The following BDKRB2 variants were observed in gnomAD, a reference collection of about 807,000 sequenced individuals.
The protein encoded by BDKRB2 is bradykinin receptor B2.
BDKRB2 carries 6 observed loss-of-function variants against 4.0 expected under a neutral mutation model. The ratio of observed to expected loss-of-function variants is 1.49; its 90% CI spans 0.81 to 2.93. The LOEUF (loss-of-function observed/expected upper bound fraction) is 2.93. Among genes scored for constraint, BDKRB2 ranks in the 30% most tolerant of loss-of-function variants. The pLI, the probability that BDKRB2 is intolerant of heterozygous loss-of-function variation, is 0.00. For synonymous variants in BDKRB2, 225 were observed against 215.3 expected (o/e 1.05, Z -0.40); for missense variants, 478 against 520.1 (o/e 0.92, Z 0.79).
intron 1 of BDKRB2, among the ~76,000 whole-genome samples, chr14:96,229,948 GA>G (rs918817094): frequency 1.3e-5 from 2 of 151,810 alleles, no homozygotes; most frequent in African/African-American, 2.4e-5. Flanking sequence ...CTAACACGGT[GA>G]AACCCTGTCT....
At chr14:96,235,519 G>A (rs1003304039) in intron 1 of BDKRB2, among the ~76,000 whole-genome samples, 4 of 152,144 alleles carry the variant, frequency 2.6e-5, no homozygotes, top group African/African-American at 7.2e-5. Flanking sequence ...TGTGCTGCTC[G>A]TTGCATCCTT....
chr14:96,213,790 G>A (rs754811502), intron 1 of BDKRB2, among the ~76,000 whole-genome samples: 4 of 151,992 alleles, frequency 2.6e-5, no homozygotes, highest in African/African-American at 4.8e-5. Flanking sequence ...TATCCCCCCC[G>A]ACAAACCTGC....
Position 96,241,770 on chromosome 14 carries a change from C to A in BDKRB2, c.*266C>A, listed in dbSNP as rs144560680. On this transcript the variant is annotated 3_prime_UTR_variant, in exon 3 of 3. Transcript: ENST00000554311. ...TTATTTGCTGCCACACCTGAGCCAG[C>A]CTGCTCCTTCCCAGGAGTGGAGGAG... 18 of 354,976 alleles carry A rather than the reference C, an allele frequency of 5.1e-5. No individual in the cohort carries two copies. The highest frequency in any genetic ancestry group is 3.6e-4 in the East Asian group (7 of 19,658). 22.0% of individuals were successfully genotyped at this position (354,976 alleles called of 1,614,324 possible). A position where few individuals can be genotyped will look rare whatever the true frequency, so the allele number is the denominator to read the frequency against.
chr14:96,219,890 G>T (rs1431845250), intron 1 of BDKRB2, among the ~76,000 whole-genome samples: 1 of 151,952 alleles, frequency 6.6e-6, no homozygotes, highest in Non-Finnish European at 1.5e-5. Context: ...GTTGGAAGGA[G>T]TTGGAAGAGC....
At position 96,223,007 on chromosome 14, in the gene BDKRB2, G is replaced by A. The variant is rs1301397401; in HGVS notation, c.-39-14062G>A. 2.0e-5 allele frequency: 13 copies of A among 657,390 alleles called. No individual in the cohort carries two copies. In the African/African-American group the frequency reaches 2.0e-4, roughly 10 times the overall value. The allele number at this position is 657,390 out of a possible 1,614,324, so 40.7% of individuals were successfully genotyped here. A position where few individuals can be genotyped will look rare whatever the true frequency, so the allele number is the denominator to read the frequency against. ...AATTCTGTAGAACAAACAACTGGAA[G>A]TTGGAAGAAAAGACAGTAAGAAATA... On this transcript the variant is annotated intron_variant, in intron 1 of 2. Transcript: ENST00000554311.
intron 2 of BDKRB2, chr14:96,239,021 C>T (rs1254600727): frequency 1.0e-6 from 1 of 985,392 alleles, no homozygotes; most frequent in East Asian, 1.1e-4. Flanking sequence ...CCAGCTGCTC[C>T]TAGAAGCAAA....
chr14:96,205,627 G>A (rs914972043), intron 1 of BDKRB2, among the ~76,000 whole-genome samples: 2 of 152,174 alleles, frequency 1.3e-5, no homozygotes, highest in African/African-American at 4.8e-5. Context: ...GGGGTTCCAA[G>A]CACCGGCTTT....
chr14:96,235,913 G>C (rs986194873), intron 1 of BDKRB2, among the ~76,000 whole-genome samples: 2 of 152,196 alleles, frequency 1.3e-5, no homozygotes, highest in African/African-American at 4.8e-5. Flanking sequence ...GTCCTGGAGA[G>C]AGTGTGAAGT....
chr14:96,214,374 C>T (rs945698678), intron 1 of BDKRB2, among the ~76,000 whole-genome samples: 3 of 152,230 alleles, frequency 2.0e-5, no homozygotes, highest in Non-Finnish European at 2.9e-5. Flanking sequence ...TGAGAGAGGA[C>T]GGGAACCAAC....
At chr14:96,206,734 G>A (rs1890188649) in intron 1 of BDKRB2, among the ~76,000 whole-genome samples, 1 of 152,208 alleles carries the variant, frequency 6.6e-6, no homozygotes, top group East Asian at 1.9e-4. Flanking sequence ...CTTGTGGTCA[G>A]GGAGGGGCCC....
At chr14:96,240,136 G>C (rs1885234363) in intron 2 of BDKRB2, 4 of 1,187,546 alleles carry the variant, frequency 3.4e-6, no homozygotes, top group Non-Finnish European at 4.2e-6. Flanking sequence ...TAGTGCTGTT[G>C]GTGGATACTG....
chr14:96,221,601 G>C (rs1041010326), intron 1 of BDKRB2, among the ~76,000 whole-genome samples: 1 of 152,122 alleles, frequency 6.6e-6, no homozygotes, highest in African/African-American at 2.4e-5. Context: ...TTGCCGGGGA[G>C]AGTCAGCTGT....
At chr14:96,230,937 T>A (rs4905473) in intron 1 of BDKRB2, among the ~76,000 whole-genome samples, 13,798 of 151,566 alleles carry the variant, frequency 0.091, 701 homozygotes, top group Admixed American at 0.13. Flanking sequence ...TTATTTATTT[T>A]TTTTTTAAAG....
chr14:96,239,308 A>G, intron 2 of BDKRB2: 1 of 974,650 alleles, frequency 1.0e-6, no homozygotes, highest in Non-Finnish European at 1.2e-6. Context: ...GGATGAGAGC[A>G]ATACCCTACT....
intron 1 of BDKRB2, among the ~76,000 whole-genome samples, chr14:96,214,386 G>T (rs761551948): frequency 2.6e-5 from 4 of 152,200 alleles, no homozygotes; most frequent in Admixed American, 1.3e-4. Context: ...GGAACCAACA[G>T]GAAGGATTCC....
intron 1 of BDKRB2, among the ~76,000 whole-genome samples, chr14:96,228,538 C>A (rs961818315): frequency 1.3e-5 from 2 of 152,156 alleles, no homozygotes; most frequent in African/African-American, 4.8e-5. Flanking sequence ...TGTCCAGCTG[C>A]CTCTTCCACA....
At chr14:96,233,086 G>A (rs1207449053) in intron 1 of BDKRB2, among the ~76,000 whole-genome samples, 1 of 152,200 alleles carries the variant, frequency 6.6e-6, no homozygotes, top group Admixed American at 6.5e-5. Flanking sequence ...GAGTGCAGTG[G>A]TGCGATACGG....
chr14:96,223,103 C>T (rs185081685), intron 1 of BDKRB2: 167 of 1,217,258 alleles, frequency 1.4e-4, no homozygotes, highest in Non-Finnish European at 1.8e-4. Flanking sequence ...GCAAACCGAG[C>T]GATCATGTCA....
intron 1 of BDKRB2, among the ~76,000 whole-genome samples, chr14:96,236,527 G>T (rs919726213): frequency 1.3e-5 from 2 of 152,110 alleles, no homozygotes; most frequent in Admixed American, 6.5e-5. Flanking sequence ...GGCATGTCAG[G>T]TTTACCCTCT....
Sources: allele counts gnomAD v4.1 joint callset (sites outside exome capture counted in the v4.1 genomes callset), GRCh38; gene constraint gnomAD v4.1.1; transcripts MANE v1.5; gene names NCBI Gene and HGNC (gene_info 2026-07-23, HGNC 2026-07-21).